RBM28: variants seen among roughly 807,000 people sequenced by gnomAD.
The protein encoded by RBM28 is RNA-binding protein 28.
A neutral mutation model predicts 98.3 loss-of-function variants in RBM28; 78 were observed. That is an observed-to-expected ratio of 0.79 (90% CI 0.66 to 0.96). The LOEUF is 0.96. Ranked by LOEUF, RBM28 falls within the 40% of genes least tolerant of loss-of-function variation. RBM28 has a pLI of 0.00. For synonymous variants in RBM28, 306 were observed against 330.9 expected, an observed-to-expected ratio of 0.92 and a Z score of 0.82; for missense variants, 838 against 913.0, an observed-to-expected ratio of 0.92 and a Z score of 1.06.
At chr7:128,321,590 A>G (rs1212017399) in intron 13 of RBM28, among the ~76,000 whole-genome samples, 166 bp from the exon 14 acceptor site, 2 of 152,252 alleles carry the variant, frequency 1.3e-5, no homozygotes, top group Admixed American at 6.5e-5. Flanking sequence ...ATAGGGAAAG[A>G]AAAGTCCAAG....
chr7:128,314,620 G>A (rs975023599), intron 17 of RBM28, 144 bp downstream of exon 17: 118 of 1,360,264 alleles, frequency 8.7e-5, no homozygotes, highest in Admixed American at 1.2e-4. Context: ...TTGAAGACTC[G>A]CGTGTTAACC....
At position 128,317,666 on chromosome 7, in the gene RBM28, C is replaced by T. The variant is rs747869380; in HGVS notation, c.1781G>A (p.Arg594His). 26 of 1,598,432 alleles carry T rather than the reference C, an allele frequency of 1.6e-5. No individual in the cohort carries two copies. In the East Asian group the frequency reaches 5.1e-4, roughly 32 times the overall value. Residue 594 changes from arginine (R) to histidine (H), a missense_variant, in exon 16 of 19, where the codon CGC (arginine) becomes CAC (histidine). Transcript: ENST00000223073. Reference protein sequence around the residue: ...KLKMKELRIQRSLQKMRSKPA... With the variant: ...KLKMKELRIQHSLQKMRSKPA... ...ACCATTTAATTTCTGTACCAAGCTG[C>T]GCTGGATCCTTAATTCCTTCATTTT...
At chr7:128,319,589 CAG>C (rs1411206549) in intron 14 of RBM28, among the ~76,000 whole-genome samples, 1 of 152,158 alleles carries the variant, frequency 6.6e-6, no homozygotes, top group Non-Finnish European at 1.5e-5. Context: ...GGTAGCGAAA[CAG>C]AGTAAAGCAG....
intron 17 of RBM28, among the ~76,000 whole-genome samples, chr7:128,313,857 C>T (rs1796044147): frequency 1.3e-5 from 2 of 152,330 alleles, no homozygotes; most frequent in South Asian, 2.1e-4. Context: ...GCTCCCACTT[C>T]ACCTTCCACT....
rs1429673256 is a variant in RBM28 at position 128,303,350 on chromosome 7, C to G, written c.*7447G>C. On this transcript the variant is annotated 3_prime_UTR_variant, in exon 19 of 19. Transcript: ENST00000223073. ...CATCCTGCTTTCATCAGCTCTAAGA[C>G]TAGGTGGTGACATCTGCTTCTCAAT... The G allele has an allele frequency of 6.6e-6, 1 of 152,148 alleles. No homozygotes were observed. Among genetic ancestry groups the G allele is most frequent in the African/African-American group, 2.4e-5 (1 of 41,422 alleles). The allele number at this position is 152,148 out of a possible 1,614,324, so 9.4% of individuals were successfully genotyped here. A position where few individuals can be genotyped will look rare whatever the true frequency, so the allele number is the denominator to read the frequency against.
rs1413485159 is a variant in RBM28, at chr7:128,324,757, T to TA, written c.1204-64dup. 5.6e-6 allele frequency: 9 copies of TA among 1,609,268 alleles called. No homozygotes were observed. The Admixed American group carries it at 1.3e-4, about 24-fold the overall frequency. On this transcript the variant is annotated intron_variant, in intron 11 of 18. Coordinates refer to ENST00000223073, the MANE Select transcript of RBM28 (RefSeq NM_018077.3). ...GGCCGGGCACAGTGGCTCACACCTG[T>TA]AAACCGAGCACTTTGGGAGGCTGAG...
intron 13 of RBM28, 66 bp from the exon 14 acceptor site, chr7:128,321,490 C>G: frequency 1.3e-6 from 2 of 1,580,878 alleles, no homozygotes; most frequent in Non-Finnish European, 1.7e-6. Context: ...CATAATTCTC[C>G]AAAAGGAAAG....
At chr7:128,334,938 G>A (rs1178560568) in intron 8 of RBM28, among the ~76,000 whole-genome samples, 1 of 152,162 alleles carries the variant, frequency 6.6e-6, no homozygotes, top group Non-Finnish European at 1.5e-5. Context: ...ACAAAGAAAA[G>A]GCCATGCAAG....
intron 10 of RBM28, among the ~76,000 whole-genome samples, chr7:128,329,640 C>T (rs1796429593): frequency 6.6e-6 from 1 of 152,096 alleles, no homozygotes; most frequent in South Asian, 2.1e-4. Flanking sequence ...AATCCCAGCA[C>T]TTTGGGAGGC....
In RBM28 at chr7:128,319,149, T is replaced by C. The variant is rs77568637; in HGVS notation, c.1564-1043A>G. On this transcript the variant is annotated intron_variant, in intron 14 of 18. Transcript: ENST00000223073. ...CTCATGTAATGGAAACAGCTAAGTATTGGGGATGCATGGATGCCGCATTTA... is the reference window on the plus strand; with the variant it reads ...CTCATGTAATGGAAACAGCTAAGTACTGGGGATGCATGGATGCCGCATTTA... Among the ~76,000 whole-genome samples the C allele has an allele frequency of 4.2e-3, 646 of 152,272 alleles. 6 individuals carry two copies. The highest frequency in any genetic ancestry group is 0.015 in the African/African-American group (617 of 41,556).
At chr7:128,333,465 C>T (rs1391075245) in intron 8 of RBM28, 103 bp from the exon 9 acceptor site, 11 of 987,304 alleles carry the variant, frequency 1.1e-5, no homozygotes, top group Non-Finnish European at 1.7e-5. Context: ...CGCAGTGGCT[C>T]ATGCCACTTT....
At chr7:128,330,781 T>C in intron 10 of RBM28, 38 bp downstream of exon 10, 1 of 1,468,490 alleles carries the variant, frequency 6.8e-7, no homozygotes. Flanking sequence ...GGCAGTGGTC[T>C]CAACCCTTTT....
rs903106689 is a variant in RBM28, at chr7:128,314,856, C to G, written c.1953G>C (p.Gln651His). Residue 651 changes from glutamine to histidine, a missense_variant, in exon 17 of 19, where the codon CAG (glutamine) becomes CAC (histidine). Transcript: ENST00000223073. The stretch of plus-strand genomic sequence containing the variant: ...CCACCTGCTCCACTTCAGCCTTGGT[C>G]TGGAACCCGGTCCATGAGGTAGAGC... ...KAGSTSWTGF[Q>H]TKAEVEQVEL... 1.2e-6 allele frequency: 2 copies of G among 1,614,186 alleles called. No homozygotes were observed. Among genetic ancestry groups the G allele is most frequent in the Non-Finnish European group, 1.7e-6 (2 of 1,180,042 alleles).
chr7:128,315,025 A>G lies in RBM28; in HGVS notation c.1789-5T>C. On this transcript the variant is annotated splice_region_variant and splice_polypyrimidine_tract_variant and intron_variant, in intron 16 of 18. Coordinates refer to ENST00000223073, the MANE Select transcript of RBM28 (RefSeq NM_018077.3). ...AGGCTTGGATCTCATTTTTTGCTGCATAAAACAAGAAAATGCCATCTGGTT... is the reference window on the plus strand; with the variant it reads ...AGGCTTGGATCTCATTTTTTGCTGCGTAAAACAAGAAAATGCCATCTGGTT... 1 of 1,614,224 alleles carries G rather than the reference A, an allele frequency of 6.2e-7. No homozygotes were observed. Among genetic ancestry groups the G allele is most frequent in the Non-Finnish European group, 8.5e-7 (1 of 1,180,038 alleles).
chr7:128,314,069 TCTC>T (rs1469870104), intron 17 of RBM28, among the ~76,000 whole-genome samples: 1 of 152,088 alleles, frequency 6.6e-6, no homozygotes, highest in African/African-American at 2.4e-5. Flanking sequence ...TTCACGCCAT[TCTC>T]CTGCCTCAGC....
chr7:128,325,837 G>A lies in RBM28; in HGVS notation c.1184C>T (p.Ala395Val), dbSNP rs773308571. Residue 395 changes from alanine (A) to valine (V), a missense_variant, in exon 11 of 19, where the codon GCT becomes GTT. Coordinates refer to ENST00000223073, the MANE Select transcript of RBM28 (RefSeq NM_018077.3). ...TQEAAQKCLL[A>V]ASPENEAGGL... is the part of the protein sequence containing the mutation. ...CCTTACCTCATTCTCTGGAGAAGCA[G>A]CTAGAAGGCATTTCTGAGCTGCTTC... The A allele has an allele frequency of 3.2e-5, 52 of 1,613,374 alleles. No homozygotes were observed. Among genetic ancestry groups the A allele is most frequent in the Admixed American group, 2.3e-4 (14 of 59,998 alleles).
Position 128,335,594 on chromosome 7 carries a change from C to T in RBM28, c.895G>A (p.Gly299Arg), listed in dbSNP as rs1223110417. The change falls in exon 8 of 19, where the codon GGA (glycine) becomes AGA (arginine). Residue 299 changes from glycine (G) to arginine (R), a missense_variant. By Grantham distance (125) the Gly-to-Arg change is moderately radical. Transcript: ENST00000223073. The stretch of plus-strand genomic sequence containing the variant: ...GTATCACTCTGAGCCAGTTCCTCTC[C>T]ATCATCAATACTATCGCTTTCCTCT... ...DLEESDSIDDGEELAQSDTST... is the reference protein window; with the variant it reads ...DLEESDSIDDREELAQSDTST... The T allele has an allele frequency of 6.2e-7, 1 of 1,614,180 alleles. No homozygotes were observed. The highest frequency in any genetic ancestry group is 1.1e-5 in the South Asian group (1 of 91,084).
At chr7:128,327,318 A>G (rs12536553) in intron 10 of RBM28, among the ~76,000 whole-genome samples, 223 of 152,228 alleles carry the variant, frequency 1.5e-3, no homozygotes, top group Non-Finnish European at 2.4e-3. Flanking sequence ...GAGGCATCAG[A>G]TATGGGCAGA....
At position 128,322,015 on chromosome 7, in the gene RBM28, T is replaced by A. The variant is rs185818519; in HGVS notation, c.1405-591A>T. Among the ~76,000 whole-genome samples the A allele has an allele frequency of 1.2e-4, 18 of 149,592 alleles. No homozygotes were observed. The East Asian group carries it at 3.4e-3, about 28-fold the overall frequency. On this transcript the variant is annotated intron_variant, in intron 13 of 18. Coordinates refer to ENST00000223073, the MANE Select transcript of RBM28 (RefSeq NM_018077.3). ...GTGAGCCAGGATCGTGCCATTGCAC[T>A]CCAGCCTGGGCAGCAAGAGTGAAAT...
Sources: allele counts gnomAD v4.1 joint callset (sites outside exome capture counted in the v4.1 genomes callset), GRCh38; gene constraint gnomAD v4.1.1; transcripts MANE v1.5; gene names NCBI Gene and HGNC (gene_info 2026-07-23, HGNC 2026-07-21).